Variants in THSD7B observed in about 807,000 individuals in gnomAD.
THSD7B encodes thrombospondin type-1 domain-containing protein 7B.
A neutral mutation model predicts 213.6 loss-of-function variants in THSD7B; 138 were observed. That is an observed-to-expected ratio of 0.65 (90% CI 0.56 to 0.74). The LOEUF (loss-of-function observed/expected upper bound fraction) is 0.74, where lower values mean the gene tolerates loss of function less well. Among genes scored for constraint, THSD7B ranks in the 30% least tolerant of loss-of-function variants. The pLI is 0.00. For synonymous variants in THSD7B, 742 were observed against 687.0 expected (o/e 1.08, Z -1.25); for missense variants, 1,931 against 1,991.5 (o/e 0.97, Z 0.58).
chr2:137,275,397 G>A (rs769248319), intron 11 of THSD7B, among the ~76,000 whole-genome samples: 2 of 151,976 alleles, frequency 1.3e-5, no homozygotes, highest in African/African-American at 4.8e-5. Flanking sequence ...TAAGTGTGAA[G>A]GTCTGTACCT....
At chr2:137,366,429 C>T (rs568311074) in intron 12 of THSD7B, among the ~76,000 whole-genome samples, 43 of 151,990 alleles carry the variant, frequency 2.8e-4, no homozygotes, top group African/African-American at 9.6e-4. Flanking sequence ...AGTTTTCTCT[C>T]CTCTGAAATG....
chr2:137,344,307 C>A (rs1684827452), intron 12 of THSD7B, among the ~76,000 whole-genome samples: 1 of 151,650 alleles, frequency 6.6e-6, no homozygotes, highest in South Asian at 2.1e-4. Context: ...ATATTAAGCT[C>A]ATGTTGAATA....
At chr2:137,319,777 T>TA (rs909770333) in intron 12 of THSD7B, among the ~76,000 whole-genome samples, 17 of 152,190 alleles carry the variant, frequency 1.1e-4, no homozygotes, top group African/African-American at 3.6e-4. Context: ...GGTGCCAGCT[T>TA]AAAAAATCAT....
chr2:137,667,132 C>T (rs1277317589), intron 26 of THSD7B, among the ~76,000 whole-genome samples: 1 of 152,126 alleles, frequency 6.6e-6, no homozygotes, highest in Non-Finnish European at 1.5e-5. Flanking sequence ...TTTGTATATG[C>T]ATATGACTAT....
intron 5 of THSD7B, chr2:137,155,980 A>C (rs1447487403): frequency 6.6e-6 from 1 of 152,174 alleles, no homozygotes; most frequent in Non-Finnish European, 1.5e-5. Context: ...GTAGAGGCTT[A>C]GCTCTTGCTT....
chr2:137,079,911 C>G (rs1413630506), intron 3 of THSD7B, among the ~76,000 whole-genome samples: 2 of 152,122 alleles, frequency 1.3e-5, no homozygotes, highest in African/African-American at 4.8e-5. Flanking sequence ...GTGTTCTCAG[C>G]TCACTGCAAC....
chr2:137,465,396 T>C (rs1215537524), intron 15 of THSD7B, among the ~76,000 whole-genome samples: 4 of 152,130 alleles, frequency 2.6e-5, no homozygotes, highest in Non-Finnish European at 5.9e-5. Context: ...TAGATTTACA[T>C]GAGATTTATG....
At chr2:137,280,261 G>C (rs891999403) in intron 12 of THSD7B, among the ~76,000 whole-genome samples, 6 of 152,118 alleles carry the variant, frequency 3.9e-5, no homozygotes, top group African/African-American at 1.4e-4. Flanking sequence ...GATGAAATTT[G>C]TCTTGTTTAC....
intron 14 of THSD7B, among the ~76,000 whole-genome samples, chr2:137,421,833 G>T (rs1686936572): frequency 6.6e-6 from 1 of 152,184 alleles, no homozygotes; most frequent in African/African-American, 2.4e-5. Flanking sequence ...ACAAAAGATT[G>T]TATCAAGGAC....
chr2:137,552,136 T>C (rs1680860898), intron 15 of THSD7B, among the ~76,000 whole-genome samples: 1 of 152,200 alleles, frequency 6.6e-6, no homozygotes, highest in Non-Finnish European at 1.5e-5. Flanking sequence ...GAAAGACTTT[T>C]TGACTTTTTG....
intron 2 of THSD7B, among the ~76,000 whole-genome samples, chr2:136,963,031 A>C (rs1685252550): frequency 6.6e-6 from 1 of 152,220 alleles, no homozygotes; most frequent in Admixed American, 6.5e-5. Context: ...CTGCTTCTAC[A>C]TATCATATCT....
chr2:137,654,759 G>GT (rs996047350), intron 21 of THSD7B, among the ~76,000 whole-genome samples: 43 of 152,232 alleles, frequency 2.8e-4, no homozygotes, highest in Admixed American at 2.6e-3. Flanking sequence ...TTGGTTTTCT[G>GT]TGGGGGGCTG....
At chr2:137,151,188 C>T (rs543620436) in intron 5 of THSD7B, among the ~76,000 whole-genome samples, 25 of 152,288 alleles carry the variant, frequency 1.6e-4, no homozygotes, top group South Asian at 4.1e-4. Flanking sequence ...ATAAACTTCT[C>T]AATTTTTAAA....
At chr2:137,401,459 C>G (rs1292169016) in intron 12 of THSD7B, among the ~76,000 whole-genome samples, 1 of 152,096 alleles carries the variant, frequency 6.6e-6, no homozygotes, top group Non-Finnish European at 1.5e-5. Context: ...TGCTTTTATA[C>G]TAGAACGTTC....
At chr2:137,490,079 A>G (rs1217651187) in intron 15 of THSD7B, among the ~76,000 whole-genome samples, 2 of 152,236 alleles carry the variant, frequency 1.3e-5, no homozygotes, top group African/African-American at 4.8e-5. Context: ...GTAATCACCA[A>G]GCTAGCAGGG....
chr2:137,240,235 T>C (rs1036091465), intron 9 of THSD7B, among the ~76,000 whole-genome samples: 6 of 152,228 alleles, frequency 3.9e-5, no homozygotes, highest in Non-Finnish European at 8.8e-5. Context: ...TCTCATCCTG[T>C]ACTCTCTGTG....
At chr2:136,879,189 C>A (rs1005259138) in intron 1 of THSD7B, among the ~76,000 whole-genome samples, 59 of 152,300 alleles carry the variant, frequency 3.9e-4, no homozygotes, top group African/African-American at 1.9e-4. Context: ...TTCCCCATTT[C>A]TTGTTTTTGT....
intron 1 of THSD7B, among the ~76,000 whole-genome samples, chr2:136,842,335 C>T (rs1682932786): frequency 6.6e-6 from 1 of 152,146 alleles, no homozygotes; most frequent in Admixed American, 6.6e-5. Flanking sequence ...TTCTTTGTTC[C>T]TTGTCCAAAA....
At chr2:137,048,637 T>C (rs1687010606) in intron 2 of THSD7B, among the ~76,000 whole-genome samples, 1 of 152,238 alleles carries the variant, frequency 6.6e-6, no homozygotes. Flanking sequence ...TTGTTTTACG[T>C]ATTTTTAAAG....
Sources: gnomAD v4.1 joint callset for allele counts (sites outside exome capture counted in the v4.1 genomes callset) on GRCh38, gnomAD v4.1.1 for gene constraint, MANE v1.5 for transcripts, NCBI Gene and HGNC (gene_info 2026-07-23, HGNC 2026-07-21) for gene names.